Variants in KAZN observed in about 807,000 individuals in gnomAD.
KAZN encodes kazrin.
KAZN carries 40 observed loss-of-function variants against 87.4 expected under a neutral mutation model. The ratio of observed to expected loss-of-function variants is 0.46; its 90% CI spans 0.36 to 0.60. KAZN has a LOEUF of 0.60. KAZN is among the 20% of genes least tolerant of loss of function. The pLI, the probability that KAZN is intolerant of heterozygous loss-of-function variation, is 0.00. For missense variants in KAZN, 898 were observed against 1,073.9 expected (o/e 0.84, Z 2.29); for synonymous variants, 466 against 458.3 (o/e 1.02, Z -0.22).
At chr1:14,318,455 GT>G (rs1298713942) in intron 2 of KAZN, among the ~76,000 whole-genome samples, 3 of 151,934 alleles carry the variant, frequency 2.0e-5, no homozygotes, top group African/African-American at 7.3e-5. Context: ...TAATGTGTGA[GT>G]TTTTTCTCTT....
intron 1 of KAZN, among the ~76,000 whole-genome samples, chr1:14,678,884 G>C (rs149663493): frequency 1.1e-4 from 17 of 152,264 alleles, no homozygotes; most frequent in Non-Finnish European, 2.1e-4. Context: ...TAATAGGACC[G>C]AAAAAGGGCA....
At chr1:14,959,265 C>T (rs983867405) in intron 1 of KAZN, among the ~76,000 whole-genome samples, 4 of 152,196 alleles carry the variant, frequency 2.6e-5, no homozygotes, top group African/African-American at 9.7e-5. Flanking sequence ...GACCCTTCCA[C>T]GCAGGTGATG....
At chr1:15,084,208 A>G (rs969743629) in intron 8 of KAZN, among the ~76,000 whole-genome samples, 6 of 152,216 alleles carry the variant, frequency 3.9e-5, no homozygotes, top group African/African-American at 1.4e-4. Flanking sequence ...GGACATCTCC[A>G]TATACCAGGC....
chr1:14,269,630 A>T (rs767778579), intron 2 of KAZN, among the ~76,000 whole-genome samples: 1 of 152,186 alleles, frequency 6.6e-6, no homozygotes, highest in Non-Finnish European at 1.5e-5. Flanking sequence ...AAAGTAAGGG[A>T]AAATACAATG....
intron 1 of KAZN, among the ~76,000 whole-genome samples, chr1:14,032,630 CA>C (rs1641377180): frequency 6.6e-6 from 1 of 152,162 alleles, no homozygotes; most frequent in South Asian, 2.1e-4. Context: ...ATGCAGCTAC[CA>C]GAGTGATTGT....
At position 15,021,478 on chromosome 1, in the gene KAZN, C is replaced by T. The variant is rs1381791218; in HGVS notation, c.419-13271C>T. On this transcript the variant is annotated intron_variant, in intron 2 of 14. Coordinates refer to ENST00000376030, the MANE Select transcript of KAZN (RefSeq NM_201628.3). This position sits in a 1 kb window ranked among gnomAD's most constrained non-coding sequence, Gnocchi z 4.2. Reference sequence around the variant, plus strand: ...CAGAGGCTGGAAAACAAACACCACCCGCTCCCAGTCCCGGCCCCTCCCATT... The same window carrying T: ...CAGAGGCTGGAAAACAAACACCACCTGCTCCCAGTCCCGGCCCCTCCCATT... 2.6e-5 allele frequency among the ~76,000 whole-genome samples: 4 copies of T among 152,150 alleles called. No homozygotes were observed. The highest frequency in any genetic ancestry group is 7.2e-5 in the African/African-American group (3 of 41,428).
chr1:14,190,537 T>C (rs1452499517), intron 2 of KAZN, among the ~76,000 whole-genome samples: 1 of 152,192 alleles, frequency 6.6e-6, no homozygotes, highest in Admixed American at 6.5e-5. Flanking sequence ...ATAAGAGGCA[T>C]TTACTTGCCC....
At chr1:14,186,197 G>A (rs576424114) in intron 2 of KAZN, among the ~76,000 whole-genome samples, 53 of 152,202 alleles carry the variant, frequency 3.5e-4, no homozygotes, top group Admixed American at 6.5e-4. Flanking sequence ...TTGATCCTGA[G>A]TCATTAGTTT....
At chr1:14,520,347 G>A (rs1158011776) in intron 2 of KAZN, among the ~76,000 whole-genome samples, 2 of 152,130 alleles carry the variant, frequency 1.3e-5, no homozygotes, top group African/African-American at 4.8e-5. Context: ...TGGGCATGGG[G>A]TGCCATGATA....
chr1:15,041,341 T>TTTTTTTTTTTTTTTTTTTTTTTTG (rs1553178782), intron 3 of KAZN, among the ~76,000 whole-genome samples: 1 of 146,586 alleles, frequency 6.8e-6, no homozygotes, highest in East Asian at 2.0e-4. Flanking sequence ...CTTTTTTTTT[T>TTTTTTTTTTTTTTTTTTTTTTTTG]TTTTTGTTTT....
chr1:15,012,234 G>C (rs1300896894), intron 2 of KAZN, among the ~76,000 whole-genome samples: 1 of 152,124 alleles, frequency 6.6e-6, no homozygotes, highest in Non-Finnish European at 1.5e-5. Context: ...TAGGTGGCCA[G>C]GTACAGAAAG....
chr1:14,542,012 A>G (rs1463358810), intron 2 of KAZN, among the ~76,000 whole-genome samples: 1 of 152,076 alleles, frequency 6.6e-6, no homozygotes, highest in Non-Finnish European at 1.5e-5. Context: ...ATTTCCTCCA[A>G]AAAGCAGAGT....
chr1:15,012,469 C>T (rs190584528), intron 2 of KAZN, among the ~76,000 whole-genome samples: 1 of 152,294 alleles, frequency 6.6e-6, no homozygotes, highest in East Asian at 1.9e-4. Flanking sequence ...ATGCAACGCC[C>T]CACACCTGGA....
chr1:14,823,773 C>T (rs1646804328), intron 1 of KAZN, among the ~76,000 whole-genome samples: 1 of 152,046 alleles, frequency 6.6e-6, no homozygotes, highest in Non-Finnish European at 1.5e-5. Context: ...TCTTGGTGCT[C>T]CAGGAAACCT....
At chr1:14,271,370 G>A (rs1651913543) in intron 2 of KAZN, among the ~76,000 whole-genome samples, 1 of 152,216 alleles carries the variant, frequency 6.6e-6, no homozygotes. Flanking sequence ...TACACTGTGA[G>A]GCTGTGAAGA....
intron 2 of KAZN, among the ~76,000 whole-genome samples, chr1:14,369,177 G>T (rs1338609003): frequency 6.6e-6 from 1 of 152,186 alleles, no homozygotes; most frequent in African/African-American, 2.4e-5. Flanking sequence ...AAGAGATCCT[G>T]AATCAGAACA....
chr1:14,997,246 T>G (rs150206572), intron 2 of KAZN, among the ~76,000 whole-genome samples: 3,315 of 137,058 alleles, frequency 0.024, 67 homozygotes, highest in African/African-American at 0.051. Flanking sequence ...TATTTATTTA[T>G]TTATTTATTT....
At chr1:14,100,660 C>T (rs1268928211) in intron 1 of KAZN, among the ~76,000 whole-genome samples, 1 of 152,208 alleles carries the variant, frequency 6.6e-6, no homozygotes, top group Non-Finnish European at 1.5e-5. Flanking sequence ...CATAGGCAAC[C>T]TCTTGCCTGG....
At chr1:14,673,687 AC>A (rs2148742971) in intron 1 of KAZN, among the ~76,000 whole-genome samples, 1 of 152,308 alleles carries the variant, frequency 6.6e-6, no homozygotes, top group Non-Finnish European at 1.5e-5. Flanking sequence ...TGCCTGAGTG[AC>A]TTTGACAGAA....
Sources: gnomAD v4.1 joint callset for allele counts (sites outside exome capture counted in the v4.1 genomes callset) on GRCh38, gnomAD v4.1.1 for gene constraint, Gnocchi (gnomAD v3.1) non-coding constraint, MANE v1.5 for transcripts, NCBI Gene and HGNC (gene_info 2026-07-23, HGNC 2026-07-21) for gene names.